SMARCA4: variants seen among roughly 807,000 people sequenced by gnomAD.
The protein encoded by SMARCA4 is SWI/SNF-related matrix-associated actin-dependent regulator of chromatin subfamily A member 4.
In SMARCA4, 31 loss-of-function variants were observed where a neutral mutation model predicts 193.9. The observed-to-expected ratio is 0.16, with a 90% confidence interval of 0.12 to 0.22. SMARCA4 has a LOEUF of 0.22. Among genes scored for constraint, SMARCA4 ranks in the 10% least tolerant of loss-of-function variants. The probability of loss-of-function intolerance (pLI) is 1.00; values close to 1 mark genes in which losing one functional copy is unlikely to be tolerated. For synonymous variants in SMARCA4, 942 were observed against 933.1 expected, an observed-to-expected ratio of 1.01 and a Z score of -0.17; for missense variants, 1,148 against 2,296.0, an observed-to-expected ratio of 0.50 and a Z score of 10.22.
At chr19:10,972,975 G>A (rs546245366) in intron 1 of SMARCA4, among the ~76,000 whole-genome samples, 5 of 152,276 alleles carry the variant, frequency 3.3e-5, no homozygotes, top group East Asian at 3.9e-4. Flanking sequence ...TGGGCATGGC[G>A]GTGTGCGCCT....
At chr19:11,007,848 C>T (rs896599960) in intron 13 of SMARCA4, 54 bp from the exon 14 acceptor site, 78 of 1,604,426 alleles carry the variant, frequency 4.9e-5, no homozygotes, top group Non-Finnish European at 5.6e-5. Flanking sequence ...ATGGGAGTCC[C>T]GTCCCCCCTC....
intron 7 of SMARCA4, 75 bp downstream of exon 7, chr19:10,989,518 G>A (rs2145853563): frequency 6.4e-7 from 1 of 1,558,326 alleles, no homozygotes; most frequent in East Asian, 2.3e-5. Flanking sequence ...TCCAAATACG[G>A]CTTGCCTGGC....
chr19:11,051,632 A>G (rs1289188220), intron 30 of SMARCA4, among the ~76,000 whole-genome samples: 2 of 151,956 alleles, frequency 1.3e-5, no homozygotes, highest in Middle Eastern at 3.4e-3. Context: ...CTGGGACTAC[A>G]GGCATGCACC....
chr19:10,973,088 G>A (rs533169254), intron 1 of SMARCA4, among the ~76,000 whole-genome samples: 5 of 150,386 alleles, frequency 3.3e-5, no homozygotes, highest in South Asian at 2.1e-4. Flanking sequence ...CAGCCTGGGT[G>A]ACAGAGCCAG....
Position 11,061,956 on chromosome 19 carries a change from A to C in SMARCA4, c.*140A>C. The C allele has an allele frequency of 2.5e-6, 2 of 816,168 alleles. No homozygotes were observed. Among genetic ancestry groups the C allele is most frequent in the Non-Finnish European group, 4.2e-6 (2 of 480,374 alleles). The allele number at this position is 816,168 out of a possible 1,614,324, so 50.6% of individuals were successfully genotyped here. A position where few individuals can be genotyped will look rare whatever the true frequency, so the allele number is the denominator to read the frequency against. ...AAACAAAAGAATCTTCCATATTTAT[A>C]CAGCAGAGAAGCTGTAGGACTGTTT... On this transcript the variant is annotated 3_prime_UTR_variant, in exon 35 of 35. Coordinates refer to ENST00000344626, the MANE Select transcript of SMARCA4 (RefSeq NM_003072.5).
At chr19:11,042,063 C>T (rs2075649825) in intron 30 of SMARCA4, among the ~76,000 whole-genome samples, 1 of 152,170 alleles carries the variant, frequency 6.6e-6, no homozygotes. Context: ...CCCTCCCAGG[C>T]TACCTGTGCC....
intron 30 of SMARCA4, among the ~76,000 whole-genome samples, chr19:11,046,178 G>A (rs1198196471): frequency 6.6e-6 from 1 of 151,124 alleles, no homozygotes; most frequent in Non-Finnish European, 1.5e-5. Context: ...AGCCGAGATT[G>A]TGCCACTGCA....
intron 30 of SMARCA4, among the ~76,000 whole-genome samples, chr19:11,055,384 A>T (rs60707335): frequency 6.6e-6 from 1 of 151,984 alleles, no homozygotes; most frequent in Non-Finnish European, 1.5e-5. Context: ...GAGACGGGGT[A>T]TCACTATCTT....
At chr19:11,038,991 C>T (rs1235202920) in intron 29 of SMARCA4, among the ~76,000 whole-genome samples, 5 of 151,820 alleles carry the variant, frequency 3.3e-5, no homozygotes, top group Non-Finnish European at 7.4e-5. Context: ...GAAGCCAAAG[C>T]GGGGGGATCA....
chr19:10,989,261 T>C, intron 6 of SMARCA4, 56 bp from the exon 7 acceptor site: 1 of 1,610,672 alleles, frequency 6.2e-7, no homozygotes, highest in Non-Finnish European at 8.5e-7. Flanking sequence ...GCTCCAGCTG[T>C]AACTGGGTGC....
chr19:10,993,272 C>T (rs1426829488), intron 8 of SMARCA4, among the ~76,000 whole-genome samples: 1 of 152,186 alleles, frequency 6.6e-6, no homozygotes, highest in Admixed American at 6.5e-5. Flanking sequence ...AGGCGTGAGC[C>T]GCTGCTCCTG....
At chr19:11,051,307 C>G (rs180777910) in intron 30 of SMARCA4, among the ~76,000 whole-genome samples, 95 of 152,158 alleles carry the variant, frequency 6.2e-4, no homozygotes, top group African/African-American at 2.2e-3. Context: ...TAGGACAGGA[C>G]AATTAGAGAC....
intron 30 of SMARCA4, among the ~76,000 whole-genome samples, chr19:11,046,116 G>C (rs903273706): frequency 6.6e-6 from 1 of 151,804 alleles, no homozygotes; most frequent in South Asian, 2.1e-4. Flanking sequence ...CCAGATACTC[G>C]AGAGGCTGAG....
intron 1 of SMARCA4, chr19:10,977,511 A>C (rs2085237251): frequency 6.6e-6 from 1 of 152,076 alleles, no homozygotes; most frequent in Admixed American, 6.6e-5. Context: ...TTAAGTAGAT[A>C]CGGGGTTTCA....
intron 1 of SMARCA4, chr19:10,977,935 A>G (rs1324289543): frequency 6.6e-6 from 1 of 152,308 alleles, no homozygotes; most frequent in African/African-American, 2.4e-5. Flanking sequence ...GATGCATGGC[A>G]GTGAGTTCCA....
chr19:10,961,992 TG>T lies in SMARCA4; in HGVS notation c.-32+820del, dbSNP rs1307124042. ...TCTTGATTTTTTTTTTTTTTTTTTT[TG>T]GTCAGTGACTCCTTGGGGAAAGTAG... On this transcript the variant is annotated intron_variant, in intron 1 of 34. Coordinates refer to ENST00000344626, the MANE Select transcript of SMARCA4 (RefSeq NM_003072.5). Among the ~76,000 whole-genome samples, 38 of 151,178 alleles carry T rather than the reference TG, an allele frequency of 2.5e-4. 2 individuals carry two copies. The highest frequency in any genetic ancestry group is 6.3e-4 in the South Asian group (3 of 4,766).
rs1600255127 is a variant in SMARCA4, at chr19:11,019,369, C to T, written c.2506-222C>T. On this transcript the variant is annotated intron_variant, in intron 17 of 34. Transcript: ENST00000344626. This position sits in a 1 kb window ranked among gnomAD's most constrained non-coding sequence, Gnocchi z 6.1. ...CTGCGTGGTTCCCTCAGGCCCCGGC[C>T]GCCGCTGGCCTGCACTGCTTCCTCT... 6.6e-6 allele frequency: 4 copies of T among 607,402 alleles called. No homozygotes were observed. Among genetic ancestry groups the T allele is most frequent in the East Asian group, 2.8e-5 (1 of 36,310 alleles). The allele number at this position is 607,402 out of a possible 1,614,324, so 37.6% of individuals were successfully genotyped here.
At chr19:10,981,389 G>T (rs922526875) in intron 1 of SMARCA4, among the ~76,000 whole-genome samples, 2 of 152,256 alleles carry the variant, frequency 1.3e-5, no homozygotes, top group African/African-American at 2.4e-5. Flanking sequence ...GCAAGGTTCA[G>T]ACTGTTGTCA....
rs745307333 is a variant in SMARCA4, at chr19:11,034,994, C to G, written c.4032C>G (p.Pro1344=). ...GCCTCATGGAGGAGGACGAGCTCCC[C>G]TCGTGGATCATCAAGGACGACGCGG... ...KPRLMEEDEL[P]SWIIKDDAEV... is the part of the protein sequence containing the mutation. The change falls in exon 29 of 35, where the codon CCC becomes CCG. Residue 1344 remains proline (P), a synonymous_variant. Coordinates refer to ENST00000344626, the MANE Select transcript of SMARCA4 (RefSeq NM_003072.5). The surrounding 1 kb of genome is among the most constrained non-coding windows in gnomAD (Gnocchi z 7.0). 6.2e-7 allele frequency: 1 copy of G among 1,610,288 alleles called. No individual in the cohort carries two copies. The highest frequency in any genetic ancestry group is 8.5e-7 in the Non-Finnish European group (1 of 1,178,816).
Sources: gnomAD v4.1 joint callset for allele counts (sites outside exome capture counted in the v4.1 genomes callset) on GRCh38, gnomAD v4.1.1 for gene constraint, Gnocchi (gnomAD v3.1) non-coding constraint, MANE v1.5 for transcripts, NCBI Gene and HGNC (gene_info 2026-07-23, HGNC 2026-07-21) for gene names.